Variants in CRTAM observed in about 807,000 individuals in gnomAD.
CRTAM encodes the protein cytotoxic and regulatory T cell molecule.
CRTAM carries 44 observed loss-of-function variants against 50.0 expected under a neutral mutation model. The ratio of observed to expected loss-of-function variants is 0.88; its 90% confidence interval spans 0.69 to 1.13. CRTAM has a LOEUF of 1.13. Ranked by LOEUF, CRTAM falls within the 50% of genes most tolerant of loss-of-function variation. The probability of loss-of-function intolerance (pLI) is 0.00; values close to 1 mark genes in which losing one functional copy is unlikely to be tolerated. For synonymous variants in CRTAM, 159 were observed against 169.3 expected, an observed-to-expected ratio of 0.94 and a Z score of 0.47; for missense variants, 448 against 457.5, an observed-to-expected ratio of 0.98 and a Z score of 0.19.
intron 8 of CRTAM, 88 bp from the exon 9 acceptor site, chr11:122,867,925 C>T (rs1284874079): frequency 1.2e-5 from 9 of 779,050 alleles, no homozygotes; most frequent in Non-Finnish European, 1.5e-5. Flanking sequence ...TACTATTGCA[C>T]AGTAACAGAG....
intron 1 of CRTAM, among the ~76,000 whole-genome samples, chr11:122,840,016 C>T (rs545508333): frequency 9.2e-5 from 14 of 152,254 alleles, no homozygotes; most frequent in African/African-American, 3.1e-4. Flanking sequence ...AAAAAGAGTA[C>T]ATTTAGACAG....
At chr11:122,848,721 G>T (rs9804700) in intron 1 of CRTAM, among the ~76,000 whole-genome samples, 4,195 of 152,088 alleles carry the variant, frequency 0.028, 189 homozygotes, top group African/African-American at 0.095. Context: ...TTTCTTTTTT[G>T]TTGTTGTTGT....
intron 9 of CRTAM, among the ~76,000 whole-genome samples, chr11:122,869,501 A>G (rs200487625): frequency 6.6e-6 from 1 of 152,204 alleles, no homozygotes; most frequent in East Asian, 1.9e-4. Context: ...TCGGGATGGG[A>G]AGGAGATTGT....
chr11:122,848,519 GC>G (rs1476628467), intron 1 of CRTAM, among the ~76,000 whole-genome samples: 2 of 152,126 alleles, frequency 1.3e-5, no homozygotes, highest in African/African-American at 4.8e-5. Context: ...TAGAACTCCA[GC>G]AAACAGTTTC....
intron 1 of CRTAM, among the ~76,000 whole-genome samples, chr11:122,841,769 G>T (rs1861801542): frequency 6.6e-6 from 1 of 152,100 alleles, no homozygotes; most frequent in African/African-American, 2.4e-5. Context: ...ATGAGTGGAT[G>T]GCAAACAGCT....
intron 6 of CRTAM, among the ~76,000 whole-genome samples, chr11:122,863,004 C>G (rs190016169): frequency 6.6e-6 from 1 of 152,310 alleles, no homozygotes; most frequent in East Asian, 1.9e-4. Context: ...AAAATCACCT[C>G]TGAAGGCACA....
At chr11:122,856,001 T>C (rs995998172) in intron 5 of CRTAM, 145 bp downstream of exon 5, 6 of 634,504 alleles carry the variant, frequency 9.5e-6, no homozygotes, top group African/African-American at 7.4e-5. Flanking sequence ...CCTGTACTGA[T>C]TGAAATTTCT....
chr11:122,847,426 A>G (rs1250678817), intron 1 of CRTAM, among the ~76,000 whole-genome samples: 1 of 152,220 alleles, frequency 6.6e-6, no homozygotes, highest in Non-Finnish European at 1.5e-5. Context: ...CTCCAAACTT[A>G]CCAGATAAGA....
chr11:122,851,554 G>A (rs1861929571), intron 2 of CRTAM, 139 bp from the exon 3 acceptor site: 1 of 751,680 alleles, frequency 1.3e-6, no homozygotes. Context: ...CCTTCCCGTG[G>A]AGATAGGACA....
chr11:122,838,661 C>A, intron 1 of CRTAM, 69 bp downstream of exon 1: 3 of 1,410,062 alleles, frequency 2.1e-6, no homozygotes, highest in South Asian at 2.3e-5. Context: ...ACCTATCAGT[C>A]AGTCAACTGC....
chr11:122,846,245 G>A (rs765983270), intron 1 of CRTAM, among the ~76,000 whole-genome samples: 4 of 152,182 alleles, frequency 2.6e-5, no homozygotes, highest in Admixed American at 6.5e-5. Flanking sequence ...AAATAAGTTA[G>A]CATTTCAATA....
chr11:122,866,553 A>G (rs1862177596), intron 7 of CRTAM, among the ~76,000 whole-genome samples: 1 of 151,908 alleles, frequency 6.6e-6, no homozygotes, highest in African/African-American at 2.4e-5. Flanking sequence ...TGAGGTGACT[A>G]GGACATTTAG....
intron 1 of CRTAM, among the ~76,000 whole-genome samples, chr11:122,841,965 G>A (rs906318876): frequency 2.0e-5 from 3 of 152,196 alleles, no homozygotes; most frequent in Non-Finnish European, 4.4e-5. Flanking sequence ...TGTAATTTGA[G>A]TTGAGCCTAT....
intron 1 of CRTAM, among the ~76,000 whole-genome samples, chr11:122,843,887 T>G (rs1188077530): frequency 6.6e-6 from 1 of 152,232 alleles, no homozygotes; most frequent in Non-Finnish European, 1.5e-5. Flanking sequence ...TAAGCAAAGC[T>G]GGGTGGGTCT....
At chr11:122,852,199 G>A (rs1317170449) in intron 3 of CRTAM, among the ~76,000 whole-genome samples, 1 of 152,266 alleles carries the variant, frequency 6.6e-6, no homozygotes, top group Middle Eastern at 3.4e-3. Flanking sequence ...AGGAGTTTGC[G>A]CACCAGCTCA....
intron 3 of CRTAM, among the ~76,000 whole-genome samples, chr11:122,852,143 A>T (rs1861938552): frequency 6.6e-6 from 1 of 152,188 alleles, no homozygotes; most frequent in Non-Finnish European, 1.5e-5. Context: ...GCACCATGTG[A>T]GGTTCTCGGG....
intron 3 of CRTAM, among the ~76,000 whole-genome samples, chr11:122,852,334 T>G (rs1861941910): frequency 6.6e-6 from 1 of 152,206 alleles, no homozygotes; most frequent in Non-Finnish European, 1.5e-5. Context: ...ATTCCTCTTT[T>G]CTGTAGGAGG....
rs1249541337 is a variant in CRTAM, at chr11:122,871,536, T to C, written c.*137T>C. The C allele has an allele frequency of 6.2e-6, 4 of 649,418 alleles. No homozygotes were observed. The highest frequency in any genetic ancestry group is 6.2e-5 in the South Asian group (2 of 32,398). The allele number at this position is 649,418 out of a possible 1,614,324, so 40.2% of individuals were successfully genotyped here. On this transcript the variant is annotated 3_prime_UTR_variant, in exon 10 of 10. Coordinates refer to ENST00000227348, the MANE Select transcript of CRTAM (RefSeq NM_019604.4). ...AATGCAAGATGGTGTCCTCGGATAA[T>C]GATCTGCCCCGGAGCTAGGGCAGCA...
At chr11:122,863,351 AAAAGAAAG>A (rs781036189) in intron 6 of CRTAM, among the ~76,000 whole-genome samples, 2 of 60,610 alleles carry the variant, frequency 3.3e-5, no homozygotes, top group Non-Finnish European at 1.0e-4. Context: ...GAAAGAAAGA[AAAAGAAAG>A]AAAGAAAGAA....
Sources: gnomAD v4.1 joint callset for allele counts (sites outside exome capture counted in the v4.1 genomes callset) on GRCh38, gnomAD v4.1.1 for gene constraint, MANE v1.5 for transcripts, NCBI Gene and HGNC (gene_info 2026-07-23, HGNC 2026-07-21) for gene names.